The following PAWR variants were observed in gnomAD, a reference collection of about 807,000 sequenced individuals.
PAWR encodes the protein pro-apoptotic WT1 regulator.
Under a neutral mutation model 32.0 loss-of-function variants are expected in PAWR, and 23 were observed. The ratio of observed to expected loss-of-function variants is 0.72; its 90% CI spans 0.52 to 1.02. PAWR has a LOEUF of 1.02. Among genes scored for constraint, PAWR ranks in the 50% least tolerant of loss-of-function variants. The pLI is 0.00. For synonymous variants in PAWR, 226 were observed against 187.1 expected (o/e 1.21, Z -1.70); for missense variants, 457 against 437.7 (o/e 1.04, Z -0.39).
intron 3 of PAWR, among the ~76,000 whole-genome samples, chr12:79,618,042 T>C (rs139557621): frequency 2.0e-3 from 301 of 152,308 alleles, no homozygotes; most frequent in African/African-American, 7.1e-3. Flanking sequence ...CCTATTTTTC[T>C]TATAAATTAT....
intron 2 of PAWR, among the ~76,000 whole-genome samples, chr12:79,655,406 G>C (rs1027765495): frequency 1.3e-5 from 2 of 152,136 alleles, no homozygotes; most frequent in African/African-American, 4.8e-5. Context: ...AAAGAGAGAG[G>C]ACTTCAAACT....
At chr12:79,645,667 G>A (rs1287801582) in intron 2 of PAWR, among the ~76,000 whole-genome samples, 1 of 152,114 alleles carries the variant, frequency 6.6e-6, no homozygotes, top group Non-Finnish European at 1.5e-5. Context: ...AAAACATCCA[G>A]TGTTATACAT....
At chr12:79,611,955 C>T (rs898328175) in intron 4 of PAWR, among the ~76,000 whole-genome samples, 16 of 152,038 alleles carry the variant, frequency 1.1e-4, no homozygotes, top group African/African-American at 3.4e-4. Flanking sequence ...AAGTGTCATT[C>T]GTACTTTAAG....
intron 2 of PAWR, among the ~76,000 whole-genome samples, chr12:79,638,863 C>CTCATATATATATAT (rs1876106585): frequency 1.2e-4 from 1 of 8,156 alleles, no homozygotes; most frequent in African/African-American, 3.3e-4. Flanking sequence ...GAGATGGAGT[C>CTCATATATATATAT]ATATATATAT....
intron 2 of PAWR, chr12:79,635,412 T>C (rs1875913230): frequency 6.6e-6 from 1 of 152,118 alleles, no homozygotes; most frequent in Non-Finnish European, 1.5e-5. Context: ...AAACCTGGAA[T>C]GCTACCCACA....
At chr12:79,661,316 T>A (rs529943170) in intron 2 of PAWR, among the ~76,000 whole-genome samples, 2 of 151,736 alleles carry the variant, frequency 1.3e-5, no homozygotes, top group East Asian at 3.9e-4. Context: ...CTACAATCTG[T>A]CCTTAGAAAC....
rs377340023 is a variant in PAWR, at chr12:79,678,183, C to A, written c.516+11546G>T. On this transcript the variant is annotated intron_variant, in intron 2 of 6. Coordinates refer to ENST00000328827, the MANE Select transcript of PAWR (RefSeq NM_002583.4). The stretch of plus-strand genomic sequence containing the variant: ...CTTGAATATCTGCCTCCGAACAAGA[C>A]AATCCTTTTAATGATTTCAAATTAG... 5.9e-5 allele frequency among the ~76,000 whole-genome samples: 9 copies of A among 152,274 alleles called. 1 individual carries two copies. Among genetic ancestry groups the A allele is most frequent in the African/African-American group, 2.2e-4 (9 of 41,538 alleles).
In PAWR at chr12:79,661,227, C is replaced by A. The variant is rs567506980; in HGVS notation, c.516+28502G>T. 3.0e-4 allele frequency among the ~76,000 whole-genome samples: 39 copies of A among 128,638 alleles called. 1 individual carries two copies. The highest frequency in any genetic ancestry group is 6.3e-5 in the African/African-American group (2 of 31,722). The allele number at this position is 128,638 out of a possible 152,430, so 84.4% of individuals were successfully genotyped here. ...TAGCGCCATTGCACTCCAGCCTGGG[C>A]GAAGAAGCGAGACTCTGTCTCAAAA... On this transcript the variant is annotated intron_variant, in intron 2 of 6. Transcript: ENST00000328827.
intron 2 of PAWR, among the ~76,000 whole-genome samples, chr12:79,637,327 G>A (rs1876007860): frequency 6.6e-6 from 1 of 151,962 alleles, no homozygotes; most frequent in Non-Finnish European, 1.5e-5. Flanking sequence ...TTTCTTCAGG[G>A]AGACCATGTC....
At chr12:79,613,956 T>C (rs1592501377) in intron 3 of PAWR, among the ~76,000 whole-genome samples, 6 of 7,394 alleles carry the variant, frequency 8.1e-4, no homozygotes, top group African/African-American at 3.7e-3. Context: ...TATATATATA[T>C]ATATATATAT....
chr12:79,623,561 G>C (rs1401450958), intron 2 of PAWR, among the ~76,000 whole-genome samples: 1 of 151,828 alleles, frequency 6.6e-6, no homozygotes, highest in East Asian at 1.9e-4. Flanking sequence ...AACATCAATA[G>C]CCAGTTACAA....
chr12:79,690,235 C>G lies in PAWR; in HGVS notation c.10G>C (p.Gly4Arg). 2 of 1,514,048 alleles carry G rather than the reference C, an allele frequency of 1.3e-6. No homozygotes were observed. The highest frequency in any genetic ancestry group is 8.8e-7 in the Non-Finnish European group (1 of 1,135,912). The allele number at this position is 1,514,048 out of a possible 1,614,324, so 93.8% of individuals were successfully genotyped here. A position where few individuals can be genotyped will look rare whatever the true frequency, so the allele number is the denominator to read the frequency against. The change falls in exon 2 of 7, where the codon GGT becomes CGT. Residue 4 changes from glycine to arginine, a missense_variant. By Grantham distance (125) the Gly-to-Arg change is moderately radical (BLOSUM62 -2). Coordinates refer to ENST00000328827, the MANE Select transcript of PAWR (RefSeq NM_002583.4). ...AGGCCGCTGCTGGTCCGGTAGCCAC[C>G]GGTCGCCATATTCCCAAAGGGGCCG... MATGGYRTSSGLGG... is the reference protein window; with the variant it reads MATRGYRTSSGLGG...
chr12:79,586,610 C>T lies in PAWR; in HGVS notation c.*5997G>A, dbSNP rs541977776. ...TAGTGAATAACTGAGCACATATTAACATGAATAACATACACAGCAGTCAAA... is the reference window on the plus strand; with the variant it reads ...TAGTGAATAACTGAGCACATATTAATATGAATAACATACACAGCAGTCAAA... On this transcript the variant is annotated 3_prime_UTR_variant, in exon 7 of 7. Coordinates refer to ENST00000328827, the MANE Select transcript of PAWR (RefSeq NM_002583.4). 4 of 152,306 alleles carry T rather than the reference C, an allele frequency of 2.6e-5. 1 individual carries two copies. The South Asian group carries it at 8.3e-4, about 32-fold the overall frequency. 9.4% of individuals were successfully genotyped at this position (152,306 alleles called of 1,614,324 possible). A position where few individuals can be genotyped will look rare whatever the true frequency, so the allele number is the denominator to read the frequency against.
At chr12:79,681,279 T>G in intron 2 of PAWR, among the ~76,000 whole-genome samples, 1 of 152,146 alleles carries the variant, frequency 6.6e-6, no homozygotes, top group Non-Finnish European at 1.5e-5. Context: ...TGGTTAAGTA[T>G]TTTAATATCA....
chr12:79,686,166 T>C (rs1460427325), intron 2 of PAWR, among the ~76,000 whole-genome samples: 2 of 152,194 alleles, frequency 1.3e-5, no homozygotes, highest in Non-Finnish European at 2.9e-5. Flanking sequence ...CACCTCTACC[T>C]ATTCAAAGAT....
intron 2 of PAWR, among the ~76,000 whole-genome samples, chr12:79,683,867 C>T (rs1019952418): frequency 6.6e-6 from 1 of 152,034 alleles, no homozygotes; most frequent in Non-Finnish European, 1.5e-5. Context: ...AGTAGGTGCC[C>T]AAGTTTTAAG....
chr12:79,683,875 A>G (rs556956042), intron 2 of PAWR, among the ~76,000 whole-genome samples: 2 of 152,260 alleles, frequency 1.3e-5, no homozygotes, highest in South Asian at 4.1e-4. Context: ...CCCAAGTTTT[A>G]AGAAACTTAA....
rs1297740522 is a variant in PAWR at position 79,621,112 on chromosome 12, T to A, written c.612A>T (p.Val204=). Residue 204 remains valine, a synonymous_variant, in exon 3 of 7, where the codon GTA becomes GTT. Transcript: ENST00000328827. ...TQQNTIQNEA[V]NLLDPGSSYL... Reference sequence around the variant, plus strand: ...AGGAACTGCCTGGATCTAGTAAGTTTACAGCTTCATTCTGAATAGTGTTCT... The same window carrying A: ...AGGAACTGCCTGGATCTAGTAAGTTAACAGCTTCATTCTGAATAGTGTTCT... The A allele has an allele frequency of 6.2e-7, 1 of 1,609,504 alleles. No individual in the cohort carries two copies. Among genetic ancestry groups the A allele is most frequent in the South Asian group, 1.1e-5 (1 of 90,654 alleles).
At chr12:79,634,379 A>G (rs1371822847) in intron 2 of PAWR, among the ~76,000 whole-genome samples, 1 of 152,152 alleles carries the variant, frequency 6.6e-6, no homozygotes, top group African/African-American at 2.4e-5. Context: ...GGAAACCTAG[A>G]TTCAGATCCC....
Sources: allele counts gnomAD v4.1 joint callset (sites outside exome capture counted in the v4.1 genomes callset), GRCh38; gene constraint gnomAD v4.1.1; transcripts MANE v1.5; gene names NCBI Gene and HGNC (gene_info 2026-07-23, HGNC 2026-07-21).